Variants in CYP4F12 observed in about 807,000 individuals in gnomAD.
The protein encoded by CYP4F12 is cytochrome P450 4F12.
Under a neutral mutation model 56.5 loss-of-function variants are expected in CYP4F12, and 60 were observed. The observed-to-expected ratio is 1.06, with a 90% CI of 0.86 to 1.32. The LOEUF (loss-of-function observed/expected upper bound fraction) is 1.32, where lower values mean the gene tolerates loss of function less well. Among genes scored for constraint, CYP4F12 ranks in the 40% most tolerant of loss-of-function variants. The pLI, the probability that CYP4F12 is intolerant of heterozygous loss-of-function variation, is 0.00. For synonymous variants in CYP4F12, 263 were observed against 264.9 expected, an observed-to-expected ratio of 0.99 and a Z score of 0.07; for missense variants, 711 against 683.5, an observed-to-expected ratio of 1.04 and a Z score of -0.45.
rs1178168894 is a variant in CYP4F12 at position 15,696,028 on chromosome 19, C to T, written c.1208C>T (p.Thr403Ile). 18 of 1,614,026 alleles carry T rather than the reference C, an allele frequency of 1.1e-5. No homozygotes were observed. In the East Asian group the frequency reaches 3.6e-4, roughly 32 times the overall value. ...GCTCCCTTCATCTCCCGATGCTGCA[C>T]CCAGGACATTGTTCTCCCAGATGGC... ...PPAPFISRCCTQDIVLPDGRV... is the reference protein window; with the variant it reads ...PPAPFISRCCIQDIVLPDGRV... The change falls in exon 10 of 13, where the codon ACC (threonine) becomes ATC (isoleucine). Residue 403 changes from threonine to isoleucine, a missense_variant. Physicochemically the swap from Thr to Ile is moderately conservative, Grantham distance 89. Transcript: ENST00000550308.
chr19:15,681,927 A>G (rs1007727318), intron 5 of CYP4F12: 1 of 154,150 alleles, frequency 6.5e-6, no homozygotes, highest in African/African-American at 2.4e-5. Flanking sequence ...AATTTTAATA[A>G]TCCTGTGAGG....
rs536146225 is a variant in CYP4F12, at chr19:15,692,937, C to T, written c.1116-2999C>T. ...AAAAATAAAAAAAAAAATTAGCTGG[C>T]TGTTGTGGTGAATGCCTGTAGTCCC... On this transcript the variant is annotated intron_variant, in intron 9 of 12. Transcript: ENST00000550308. Among the ~76,000 whole-genome samples the T allele has an allele frequency of 5.9e-5, 9 of 151,786 alleles. No individual in the cohort carries two copies. In the East Asian group the frequency reaches 1.7e-3, roughly 29 times the overall value.
chr19:15,687,569 CCAGAAGAATCCA>C (rs1294888906), intron 9 of CYP4F12, among the ~76,000 whole-genome samples: 1 of 152,156 alleles, frequency 6.6e-6, no homozygotes, highest in Non-Finnish European at 1.5e-5. Context: ...AACAGGAAAA[CCAGAAGAATCCA>C]CAAACCCTTC....
rs1019716313 is a variant in CYP4F12, at chr19:15,683,768, G to A, written c.918+5G>A. 1 of 1,529,270 alleles carries A rather than the reference G, an allele frequency of 6.5e-7. No individual in the cohort carries two copies. Among genetic ancestry groups the A allele is most frequent in the Non-Finnish European group, 8.8e-7 (1 of 1,140,904 alleles). The allele number at this position is 1,529,270 out of a possible 1,614,324, so 94.7% of individuals were successfully genotyped here. A position where few individuals can be genotyped will look rare whatever the true frequency, so the allele number is the denominator to read the frequency against. On this transcript the variant is annotated splice_donor_5th_base_variant and intron_variant, in intron 7 of 12. Transcript: ENST00000550308. ...GATGTGCTTCTGCTGAGCAAGGTAG[G>A]TTTCTCTATGATCTGAATTTAGGTG...
At chr19:15,696,124 G>A (rs763380267) in intron 10 of CYP4F12, 37 bp from the exon 11 acceptor site, 1 of 1,611,692 alleles carries the variant, frequency 6.2e-7, no homozygotes, top group South Asian at 1.1e-5. Context: ...GTTCCCTCAG[G>A]GGATCCTTGT....
intron 9 of CYP4F12, among the ~76,000 whole-genome samples, chr19:15,694,499 T>C (rs1477228958): frequency 3.3e-5 from 5 of 152,186 alleles, no homozygotes; most frequent in African/African-American, 9.7e-5. Flanking sequence ...TTGTCTGTTA[T>C]TGGTGTATAA....
intron 3 of CYP4F12, among the ~76,000 whole-genome samples, chr19:15,679,957 A>C (rs1158373753): frequency 6.6e-6 from 1 of 152,128 alleles, no homozygotes; most frequent in African/African-American, 2.4e-5. Flanking sequence ...TATTTTGTAG[A>C]GTGTGGAGCT....
At chr19:15,684,201 AC>A (rs1217264498) in intron 7 of CYP4F12, 2 of 156,916 alleles carry the variant, frequency 1.3e-5, no homozygotes, top group Non-Finnish European at 2.8e-5. Flanking sequence ...AAGAATTTGC[AC>A]CAAGGAGAGG....
At chr19:15,695,781 C>CTCTAA (rs2008101260) in intron 9 of CYP4F12, among the ~76,000 whole-genome samples, 155 bp from the exon 10 acceptor site, 1 of 152,180 alleles carries the variant, frequency 6.6e-6, no homozygotes, top group South Asian at 2.1e-4. Flanking sequence ...TTCTCTGCTT[C>CTCTAA]TCTAATTGTT....
intron 9 of CYP4F12, among the ~76,000 whole-genome samples, chr19:15,689,143 A>AATAATAATAATAATCATCATCATCATC (rs146012868): frequency 1.5e-4 from 22 of 150,764 alleles, no homozygotes; most frequent in South Asian, 8.3e-4. Context: ...TAATAATAAT[A>AATAATAATAATAATCATCATCATCATC]ATAGCCGACT....
At chr19:15,694,060 G>A (rs2008006519) in intron 9 of CYP4F12, among the ~76,000 whole-genome samples, 1 of 151,814 alleles carries the variant, frequency 6.6e-6, no homozygotes, top group Non-Finnish European at 1.5e-5. Context: ...CTCTGTTTTG[G>A]TACCAGTACC....
chr19:15,687,951 C>T (rs550976486), intron 9 of CYP4F12, among the ~76,000 whole-genome samples: 33 of 152,178 alleles, frequency 2.2e-4, no homozygotes, highest in Non-Finnish European at 2.8e-4. Context: ...GATATAACCT[C>T]GAGTGGGGAT....
intron 3 of CYP4F12, 24 bp from the exon 4 acceptor site, chr19:15,680,220 C>T: frequency 1.3e-6 from 2 of 1,581,836 alleles, no homozygotes; most frequent in Non-Finnish European, 1.7e-6. Flanking sequence ...CTACATGGCC[C>T]CTGATGGTCC....
At chr19:15,693,804 G>A (rs567059783) in intron 9 of CYP4F12, among the ~76,000 whole-genome samples, 42 of 148,002 alleles carry the variant, frequency 2.8e-4, no homozygotes, top group Middle Eastern at 3.4e-3. Flanking sequence ...TTTTCTTCTA[G>A]GGTTTTTATG....
At chr19:15,696,097 TC>T in intron 10 of CYP4F12, 28 bp downstream of exon 10, 1 of 1,610,960 alleles carries the variant, frequency 6.2e-7, no homozygotes, top group African/African-American at 1.3e-5. Flanking sequence ...GGGAGAAGCC[TC>T]CCGGGTAGGA....
intron 9 of CYP4F12, 98 bp downstream of exon 9, chr19:15,685,295 A>G: frequency 6.6e-7 from 1 of 1,521,658 alleles, no homozygotes; most frequent in South Asian, 1.3e-5. Flanking sequence ...TTCTTCCACT[A>G]TTGCTTAGTG....
intron 8 of CYP4F12, 24 bp from the exon 9 acceptor site, chr19:15,685,044 C>T (rs183069916): frequency 1.5e-5 from 24 of 1,608,446 alleles, no homozygotes; most frequent in Non-Finnish European, 1.9e-5. Context: ...GTGCTGAAGC[C>T]AAGCTTACCT....
intron 9 of CYP4F12, among the ~76,000 whole-genome samples, chr19:15,691,325 C>T (rs2007857905): frequency 6.6e-6 from 1 of 152,192 alleles, no homozygotes; most frequent in Non-Finnish European, 1.5e-5. Flanking sequence ...GTGAGCATTG[C>T]TCATATGTAT....
At position 15,677,761 on chromosome 19, in the gene CYP4F12, C is replaced by A. The variant is rs146517337; in HGVS notation, c.199-500C>A. Among the ~76,000 whole-genome samples the A allele has an allele frequency of 4.1e-3, 8 of 1,940 alleles. 4 individuals carry two copies. Among genetic ancestry groups the A allele is most frequent in the East Asian group, 0.037 (2 of 54 alleles). The allele number at this position is 1,940 out of a possible 152,430, so 1.3% of individuals were successfully genotyped here. A position where few individuals can be genotyped will look rare whatever the true frequency, so the allele number is the denominator to read the frequency against. On this transcript the variant is annotated intron_variant, in intron 2 of 12. Coordinates refer to ENST00000550308, the MANE Select transcript of CYP4F12 (RefSeq NM_023944.4). Reference sequence around the variant, plus strand: ...ACTCACTCATTCCTCTACCCATGCACTCATTCTTCTCCTCACTCATTCCTT... The same window carrying A: ...ACTCACTCATTCCTCTACCCATGCAATCATTCTTCTCCTCACTCATTCCTT...
Sources: gnomAD v4.1 joint callset for allele counts (sites outside exome capture counted in the v4.1 genomes callset) on GRCh38, gnomAD v4.1.1 for gene constraint, MANE v1.5 for transcripts, NCBI Gene and HGNC (gene_info 2026-07-23, HGNC 2026-07-21) for gene names.